NELL1: variants seen among roughly 807,000 people sequenced by gnomAD.
NELL1 encodes neural EGFL like 1.
Under a neutral mutation model 107.4 loss-of-function variants are expected in NELL1, and 76 were observed. The ratio of observed to expected loss-of-function variants is 0.71; its 90% CI spans 0.59 to 0.86. NELL1 has a LOEUF of 0.86. Ranked by LOEUF, NELL1 falls within the 40% of genes least tolerant of loss-of-function variation. NELL1 has a pLI of 0.00. For synonymous variants in NELL1, 353 were observed against 341.2 expected (o/e 1.03, Z -0.38); for missense variants, 1,024 against 1,005.5 (o/e 1.02, Z -0.25).
At chr11:20,781,201 G>A (rs1198784328) in intron 2 of NELL1, among the ~76,000 whole-genome samples, 1 of 152,132 alleles carries the variant, frequency 6.6e-6, no homozygotes, top group Non-Finnish European at 1.5e-5. Context: ...CTTGTTTTTA[G>A]ACTGGATATG....
chr11:21,025,319 A>C (rs1852791398), intron 12 of NELL1, among the ~76,000 whole-genome samples: 1 of 151,982 alleles, frequency 6.6e-6, no homozygotes, highest in African/African-American at 2.4e-5. Flanking sequence ...GGTTGGTGCT[A>C]TTCTCCTTAT....
At chr11:21,157,304 C>A (rs967182414) in intron 13 of NELL1, among the ~76,000 whole-genome samples, 5 of 151,986 alleles carry the variant, frequency 3.3e-5, no homozygotes, top group Admixed American at 6.6e-5. Context: ...ATTATCTCTA[C>A]AGTATTTCAT....
At chr11:20,948,785 A>C (rs1006042868) in intron 11 of NELL1, among the ~76,000 whole-genome samples, 1 of 151,570 alleles carries the variant, frequency 6.6e-6, no homozygotes, top group African/African-American at 2.4e-5. Flanking sequence ...AAAAAAAAAA[A>C]AACAGTTAAA....
chr11:21,433,970 C>T (rs1290035645), intron 15 of NELL1, among the ~76,000 whole-genome samples: 1 of 152,130 alleles, frequency 6.6e-6, no homozygotes, highest in African/African-American at 2.4e-5. Context: ...CCACCACGCC[C>T]AGCAGGCCAT....
intron 14 of NELL1, among the ~76,000 whole-genome samples, chr11:21,280,980 G>A (rs1345165262): frequency 2.0e-5 from 3 of 152,000 alleles, no homozygotes; most frequent in Admixed American, 1.3e-4. Flanking sequence ...AGCCAGGCCA[G>A]CTAAGGGAGT....
At chr11:21,131,746 C>A (rs893044109) in intron 13 of NELL1, among the ~76,000 whole-genome samples, 3 of 152,080 alleles carry the variant, frequency 2.0e-5, no homozygotes, top group Non-Finnish European at 2.9e-5. Flanking sequence ...ACACTTAAAA[C>A]TTTTGAACAG....
intron 3 of NELL1, among the ~76,000 whole-genome samples, chr11:20,789,340 A>G (rs1857030655): frequency 6.6e-6 from 1 of 152,208 alleles, no homozygotes; most frequent in Non-Finnish European, 1.5e-5. Context: ...GGGCAGCTCC[A>G]GGTACCGGCA....
intron 12 of NELL1, among the ~76,000 whole-genome samples, chr11:20,981,836 G>A (rs188152580): frequency 6.6e-6 from 1 of 152,274 alleles, no homozygotes; most frequent in Admixed American, 6.5e-5. Flanking sequence ...CATGGCTTAA[G>A]CAGAGAAAAT....
intron 12 of NELL1, among the ~76,000 whole-genome samples, chr11:20,997,597 G>A (rs756078729): frequency 6.6e-6 from 1 of 152,194 alleles, no homozygotes; most frequent in Non-Finnish European, 1.5e-5. Context: ...GTTAATATAA[G>A]GGGAAACTGT....
intron 12 of NELL1, among the ~76,000 whole-genome samples, chr11:21,051,561 A>T (rs769541955): frequency 5.9e-5 from 9 of 152,078 alleles, no homozygotes; most frequent in Non-Finnish European, 8.8e-5. Context: ...AAACTGAGAA[A>T]AATAATAATA....
intron 15 of NELL1, among the ~76,000 whole-genome samples, chr11:21,402,775 T>G (rs1457933229): frequency 6.6e-6 from 1 of 151,712 alleles, no homozygotes; most frequent in African/African-American, 2.4e-5. Context: ...AGTACAGTCC[T>G]TAACCTAAGA....
At chr11:20,974,221 A>C (rs1851558646) in intron 12 of NELL1, among the ~76,000 whole-genome samples, 1 of 152,152 alleles carries the variant, frequency 6.6e-6, no homozygotes, top group Admixed American at 6.5e-5. Context: ...ATGAGGTGGG[A>C]CACTCCGAGG....
intron 12 of NELL1, among the ~76,000 whole-genome samples, chr11:21,091,373 C>A (rs74504338): frequency 6.6e-6 from 1 of 151,952 alleles, no homozygotes; most frequent in Non-Finnish European, 1.5e-5. Context: ...GGGGACTCAG[C>A]GAATAAAGTT....
intron 12 of NELL1, among the ~76,000 whole-genome samples, chr11:21,062,816 GTTTATTTA>G (rs202007953): frequency 6.6e-6 from 1 of 151,336 alleles, no homozygotes; most frequent in East Asian, 2.0e-4. Context: ...TTGTTTGTTT[GTTTATTTA>G]TTTATTTATT....
intron 16 of NELL1, among the ~76,000 whole-genome samples, chr11:21,546,962 G>T (rs559003160): frequency 6.6e-6 from 1 of 152,060 alleles, no homozygotes; most frequent in African/African-American, 2.4e-5. Context: ...CATTGAGAGG[G>T]TCTGGTCAGT....
At chr11:21,246,998 A>G (rs1590769412) in intron 14 of NELL1, among the ~76,000 whole-genome samples, 1 of 152,198 alleles carries the variant, frequency 6.6e-6, no homozygotes, top group South Asian at 2.1e-4. Context: ...TACAATTCAA[A>G]ATGAGATTTG....
intron 15 of NELL1, among the ~76,000 whole-genome samples, chr11:21,387,370 G>GTC (rs2133777429): frequency 6.6e-6 from 1 of 151,812 alleles, no homozygotes; most frequent in South Asian, 2.1e-4. Context: ...CCACTTGATG[G>GTC]TCACCCACCA....
rs142104317 is a variant in NELL1, at chr11:21,056,707, C to T, written c.1301-56882C>T. ...CATTACATTTCATTTTTTATTAAAA[C>T]TTAAAATAAATGTTCCTGTAAACAT... On this transcript the variant is annotated intron_variant, in intron 12 of 19. Transcript: ENST00000357134. 2.5e-3 allele frequency among the ~76,000 whole-genome samples: 386 copies of T among 152,196 alleles called. 2 individuals are homozygous for T. Among genetic ancestry groups the T allele is most frequent in the Non-Finnish European group, 4.6e-3 (316 of 67,996 alleles).
At chr11:21,278,368 T>C (rs532362007) in intron 14 of NELL1, among the ~76,000 whole-genome samples, 1 of 152,254 alleles carries the variant, frequency 6.6e-6, no homozygotes, top group Non-Finnish European at 1.5e-5. Context: ...TTACATACCA[T>C]GATTATCTAA....
Sources: gnomAD v4.1 joint callset for allele counts (sites outside exome capture counted in the v4.1 genomes callset) on GRCh38, gnomAD v4.1.1 for gene constraint, MANE v1.5 for transcripts, NCBI Gene and HGNC (gene_info 2026-07-23, HGNC 2026-07-21) for gene names.